Variants in CTDSPL2 observed in about 807,000 individuals in gnomAD.
CTDSPL2 encodes CTD small phosphatase-like protein 2.
A neutral mutation model predicts 60.0 loss-of-function variants in CTDSPL2; 5 were observed. That is an observed-to-expected ratio of 0.08 (90% CI 0.04 to 0.18). CTDSPL2 has a LOEUF of 0.18. Among genes scored for constraint, CTDSPL2 ranks in the 10% least tolerant of loss-of-function variants. The pLI is 1.00. For synonymous variants in CTDSPL2, 186 were observed against 189.3 expected, an observed-to-expected ratio of 0.98 and a Z score of 0.14; for missense variants, 370 against 548.8, an observed-to-expected ratio of 0.67 and a Z score of 3.26.
rs540302825 is a variant in CTDSPL2, at chr15:44,516,660, G to C, written c.1112+1816G>C. The C allele has an allele frequency of 3.3e-5, 5 of 152,290 alleles. No homozygotes were observed. In the East Asian group the frequency reaches 5.8e-4, roughly 18 times the overall value. 9.4% of individuals were successfully genotyped at this position (152,290 alleles called of 1,614,324 possible). A position where few individuals can be genotyped will look rare whatever the true frequency, so the allele number is the denominator to read the frequency against. ...CAGGGAACAGTGGTGAGCAACACAA[G>C]CTCTTCCCTCTTGGAGCTTTCATTT... On this transcript the variant is annotated intron_variant, in intron 10 of 12. Transcript: ENST00000260327.
intron 1 of CTDSPL2, 69 bp from the exon 2 acceptor site, chr15:44,458,922 A>T: frequency 1.9e-6 from 2 of 1,055,848 alleles, no homozygotes; most frequent in Non-Finnish European, 2.6e-6. Flanking sequence ...AGCTGGGCAC[A>T]TTTGGGTAGA....
intron 2 of CTDSPL2, among the ~76,000 whole-genome samples, chr15:44,479,077 C>T (rs1030489904): frequency 7.3e-6 from 1 of 137,576 alleles, no homozygotes; most frequent in African/African-American, 2.6e-5. Context: ...AACAAACAAA[C>T]AAAAAAAAAA....
chr15:44,431,002 A>C (rs1342521657), intron 1 of CTDSPL2, among the ~76,000 whole-genome samples: 1 of 151,692 alleles, frequency 6.6e-6, no homozygotes, highest in East Asian at 1.9e-4. Context: ...TTGCATTTTT[A>C]GTAGAGATGG....
At chr15:44,472,635 C>G (rs2080834444) in intron 2 of CTDSPL2, among the ~76,000 whole-genome samples, 2 of 151,352 alleles carry the variant, frequency 1.3e-5, no homozygotes, top group African/African-American at 4.9e-5. Context: ...GGAGCTGAGA[C>G]TACAGGCATG....
intron 1 of CTDSPL2, among the ~76,000 whole-genome samples, chr15:44,457,636 G>T (rs1002203394): frequency 6.6e-6 from 1 of 152,042 alleles, no homozygotes; most frequent in African/African-American, 2.4e-5. Flanking sequence ...GGTAGTGATG[G>T]AATCTCGCTC....
chr15:44,489,721 T>TG (rs2081185154), intron 4 of CTDSPL2, among the ~76,000 whole-genome samples: 1 of 152,222 alleles, frequency 6.6e-6, no homozygotes, highest in Non-Finnish European at 1.5e-5. Context: ...AATACTGTGT[T>TG]AAATAGAGCA....
chr15:44,427,641 T>C lies in CTDSPL2; in HGVS notation c.-156T>C. ...CTGTCCGTGCGGTGCAGCAGGTCGG[T>C]AGGCGGGAAATGGCGACTGGCTGAA... On this transcript the variant is annotated 5_prime_UTR_variant, in exon 1 of 13. Coordinates refer to ENST00000260327, the MANE Select transcript of CTDSPL2 (RefSeq NM_016396.3). The C allele has an allele frequency of 2.5e-6, 1 of 399,178 alleles. No individual in the cohort carries two copies. The highest frequency in any genetic ancestry group is 4.4e-6 in the Non-Finnish European group (1 of 226,224). 24.7% of individuals were successfully genotyped at this position (399,178 alleles called of 1,614,324 possible).
At chr15:44,465,208 C>T (rs571174516) in intron 2 of CTDSPL2, among the ~76,000 whole-genome samples, 150 of 152,210 alleles carry the variant, frequency 9.9e-4, no homozygotes, top group Non-Finnish European at 2.9e-4. Flanking sequence ...AGGAATTGTT[C>T]GTGTGCAGCC....
chr15:44,437,851 A>T (rs1173229123), intron 1 of CTDSPL2, among the ~76,000 whole-genome samples: 1 of 152,230 alleles, frequency 6.6e-6, no homozygotes, highest in Non-Finnish European at 1.5e-5. Flanking sequence ...CTTATACATG[A>T]TACTTGGGCT....
At chr15:44,457,293 C>T (rs1465296714) in intron 1 of CTDSPL2, among the ~76,000 whole-genome samples, 1 of 152,242 alleles carries the variant, frequency 6.6e-6, no homozygotes, top group Non-Finnish European at 1.5e-5. Context: ...TAGCCACCTT[C>T]ATCAGTGGAC....
At chr15:44,516,498 G>A (rs2081656938) in intron 10 of CTDSPL2, among the ~76,000 whole-genome samples, 1 of 152,090 alleles carries the variant, frequency 6.6e-6, no homozygotes, top group Non-Finnish European at 1.5e-5. Context: ...CACACAAATG[G>A]GAAATGGTAT....
chr15:44,442,921 A>T (rs979592947), intron 1 of CTDSPL2, among the ~76,000 whole-genome samples: 2 of 151,802 alleles, frequency 1.3e-5, no homozygotes, highest in Non-Finnish European at 2.9e-5. Context: ...GGCTGCAAGT[A>T]AGTGGTGAAC....
chr15:44,486,712 C>A lies in CTDSPL2; in HGVS notation c.475+12C>A. ...AGCAAATAAAAATGGTAAGTATAAA[C>A]TGTTAACTGTGATTTGGATTTTTTT... On this transcript the variant is annotated intron_variant, in intron 4 of 12. Transcript: ENST00000260327. The A allele has an allele frequency of 6.7e-7, 1 of 1,493,580 alleles. No homozygotes were observed. Among genetic ancestry groups the A allele is most frequent in the Non-Finnish European group, 9.0e-7 (1 of 1,116,872 alleles). 92.5% of individuals were successfully genotyped at this position (1,493,580 alleles called of 1,614,324 possible).
chr15:44,433,415 C>T (rs949720381), intron 1 of CTDSPL2, among the ~76,000 whole-genome samples: 3 of 151,256 alleles, frequency 2.0e-5, no homozygotes, highest in East Asian at 1.9e-4. Context: ...TGAGCCACTG[C>T]GCTCAGCCTA....
chr15:44,507,002 C>T lies in CTDSPL2; in HGVS notation c.969+7189C>T, dbSNP rs555643740. Among the ~76,000 whole-genome samples the T allele has an allele frequency of 2.0e-4, 30 of 148,470 alleles. No individual in the cohort carries two copies. In the South Asian group the frequency reaches 5.2e-3, roughly 26 times the overall value. The stretch of plus-strand genomic sequence containing the variant: ...CAGGACGGTCTCAATCTCCTGACCT[C>T]GTGATCCGCCCACCTCGGCCTCCCA... On this transcript the variant is annotated intron_variant, in intron 8 of 12. Coordinates refer to ENST00000260327, the MANE Select transcript of CTDSPL2 (RefSeq NM_016396.3).
intron 1 of CTDSPL2, among the ~76,000 whole-genome samples, chr15:44,438,501 T>C (rs2080021873): frequency 6.6e-6 from 1 of 151,992 alleles, no homozygotes; most frequent in African/African-American, 2.4e-5. Context: ...CTATATAAGA[T>C]AAGGGAGAGG....
chr15:44,446,761 T>G (rs1275910046), intron 1 of CTDSPL2, among the ~76,000 whole-genome samples: 1 of 146,080 alleles, frequency 6.8e-6, no homozygotes, highest in Non-Finnish European at 1.5e-5. Context: ...GAACTTTTTT[T>G]TTTTTTTTTT....
chr15:44,497,163 G>C, intron 7 of CTDSPL2, 25 bp downstream of exon 7: 1 of 1,331,086 alleles, frequency 7.5e-7, no homozygotes, highest in Non-Finnish European at 1.1e-6. Context: ...TGTAGAGGTA[G>C]AGAGAATAAA....
At chr15:44,446,887 T>G (rs1403903638) in intron 1 of CTDSPL2, among the ~76,000 whole-genome samples, 1 of 151,488 alleles carries the variant, frequency 6.6e-6, no homozygotes, top group East Asian at 2.0e-4. Flanking sequence ...CCCAAGTTGC[T>G]GGAATTACAG....
Sources: allele counts gnomAD v4.1 joint callset (sites outside exome capture counted in the v4.1 genomes callset), GRCh38; gene constraint gnomAD v4.1.1; transcripts MANE v1.5; gene names NCBI Gene and HGNC (gene_info 2026-07-23, HGNC 2026-07-21).